Variants in EMCN observed in about 807,000 individuals in gnomAD.
The protein encoded by EMCN is endomucin, also known as MUC-14.
EMCN carries 37 observed loss-of-function variants against 38.4 expected under a neutral mutation model. The ratio of observed to expected loss-of-function variants is 0.96; its 90% CI spans 0.74 to 1.27. The LOEUF is 1.27. EMCN is among the 50% of genes most tolerant of loss of function. The probability of loss-of-function intolerance (pLI) is 0.00; values close to 1 mark genes in which losing one functional copy is unlikely to be tolerated. For synonymous variants in EMCN, 95 were observed against 100.8 expected, an observed-to-expected ratio of 0.94 and a Z score of 0.35; for missense variants, 318 against 302.8, an observed-to-expected ratio of 1.05 and a Z score of -0.37.
At chr4:100,456,715 G>C (rs994560844) in intron 4 of EMCN, among the ~76,000 whole-genome samples, 3 of 151,774 alleles carry the variant, frequency 2.0e-5, no homozygotes, top group African/African-American at 7.3e-5. Flanking sequence ...GTTGAGACTT[G>C]CTTTATGACA....
At chr4:100,402,218 C>G (rs1433068121) in intron 11 of EMCN, among the ~76,000 whole-genome samples, 1 of 151,992 alleles carries the variant, frequency 6.6e-6, no homozygotes, top group African/African-American at 2.4e-5. Flanking sequence ...TCCTGTCTGC[C>G]CTGCCGAATC....
chr4:100,482,273 T>C (rs1728828945), intron 1 of EMCN, among the ~76,000 whole-genome samples: 1 of 152,006 alleles, frequency 6.6e-6, no homozygotes, highest in African/African-American at 2.4e-5. Context: ...AGGGTAAGTA[T>C]TGTTTCATGA....
intron 5 of EMCN, among the ~76,000 whole-genome samples, chr4:100,441,543 GTTAT>G (rs905943759): frequency 1.8e-4 from 27 of 152,034 alleles, no homozygotes; most frequent in Non-Finnish European, 3.5e-4. Context: ...CTGTCATTTT[GTTAT>G]TTGTTTTCTG....
chr4:100,444,318 T>G (rs1727606761), intron 5 of EMCN, among the ~76,000 whole-genome samples: 1 of 152,220 alleles, frequency 6.6e-6, no homozygotes, highest in Admixed American at 6.5e-5. Context: ...GGTACGGTAC[T>G]ACATTAGCTA....
chr4:100,503,350 A>G (rs1729399343), intron 1 of EMCN, among the ~76,000 whole-genome samples: 1 of 148,124 alleles, frequency 6.8e-6, no homozygotes, highest in African/African-American at 2.7e-5. Flanking sequence ...GCATAAGGCA[A>G]AATTATTGGC....
At chr4:100,465,046 T>C (rs1728277014) in intron 4 of EMCN, among the ~76,000 whole-genome samples, 1 of 152,170 alleles carries the variant, frequency 6.6e-6, no homozygotes, top group South Asian at 2.1e-4. Context: ...TTTCAATTTC[T>C]TTAATCATTA....
At chr4:100,404,444 C>G (rs1726340968) in intron 11 of EMCN, among the ~76,000 whole-genome samples, 1 of 151,982 alleles carries the variant, frequency 6.6e-6, no homozygotes, top group Admixed American at 6.6e-5. Context: ...TCATACTGTA[C>G]TAGTTACTGT....
chr4:100,437,671 C>A (rs1727395386), intron 5 of EMCN, among the ~76,000 whole-genome samples: 1 of 152,108 alleles, frequency 6.6e-6, no homozygotes, highest in African/African-American at 2.4e-5. Context: ...ATCATATACC[C>A]ATTGTGTGCT....
intron 11 of EMCN, among the ~76,000 whole-genome samples, chr4:100,400,559 C>T (rs1375042786): frequency 6.6e-6 from 1 of 152,118 alleles, no homozygotes; most frequent in Non-Finnish European, 1.5e-5. Context: ...GCAACCATGA[C>T]AAGCCCTCCT....
chr4:100,454,233 A>G (rs1186293900), intron 4 of EMCN, among the ~76,000 whole-genome samples: 4 of 119,252 alleles, frequency 3.4e-5, no homozygotes, highest in African/African-American at 1.0e-4. Context: ...TTTTCAAGCC[A>G]TTAGCAAAAA....
At chr4:100,458,282 G>T (rs1435239165) in intron 4 of EMCN, among the ~76,000 whole-genome samples, 1 of 151,824 alleles carries the variant, frequency 6.6e-6, no homozygotes, top group East Asian at 1.9e-4. Flanking sequence ...TATTTTTAGG[G>T]CTGTTTTAAC....
At chr4:100,448,826 C>CCTTCTTTCCTTCCTT (rs1179151604) in intron 4 of EMCN, among the ~76,000 whole-genome samples, 6 of 139,246 alleles carry the variant, frequency 4.3e-5, no homozygotes, top group Admixed American at 7.2e-5. Flanking sequence ...CTTCCTTCCT[C>CCTTCTTTCCTTCCTT]CCTCCCTCCC....
chr4:100,470,242 C>A (rs957631958), intron 3 of EMCN, among the ~76,000 whole-genome samples: 4 of 151,940 alleles, frequency 2.6e-5, no homozygotes, highest in African/African-American at 9.6e-5. Flanking sequence ...TGAACAGACA[C>A]TTTTAAAAAG....
intron 1 of EMCN, among the ~76,000 whole-genome samples, chr4:100,501,816 T>C (rs1472979623): frequency 2.0e-5 from 3 of 151,986 alleles, no homozygotes; most frequent in Non-Finnish European, 4.4e-5. Flanking sequence ...TCATAAACTT[T>C]ATATACAGAG....
intron 5 of EMCN, among the ~76,000 whole-genome samples, chr4:100,432,773 A>G (rs964692610): frequency 1.3e-5 from 2 of 152,184 alleles, no homozygotes; most frequent in African/African-American, 2.4e-5. Context: ...TGATTGATCA[A>G]TTGATCATTT....
intron 1 of EMCN, among the ~76,000 whole-genome samples, chr4:100,502,161 C>T (rs1260919045): frequency 2.0e-5 from 3 of 152,126 alleles, no homozygotes. Flanking sequence ...ATTGGTTGGA[C>T]TAGATGTAAC....
At position 100,423,032 on chromosome 4, in the gene EMCN, C is replaced by G; in HGVS notation, c.557G>C (p.Arg186Pro). Residue 186 changes from arginine to proline, a missense_variant, in exon 7 of 12, where the codon CGG becomes CCG. Transcript: ENST00000296420. ...TTGCTGTTACTCACTGGAATAAGAC[C>G]GGCTGGTTGCTGAAGTGCTTGCATT... ...GKNASTSATS[R>P]SYSSIILPVV... is the part of the protein sequence containing the mutation. The G allele has an allele frequency of 1.2e-6, 2 of 1,612,824 alleles. No individual in the cohort carries two copies. Among genetic ancestry groups the G allele is most frequent in the Non-Finnish European group, 1.7e-6 (2 of 1,179,248 alleles).
chr4:100,473,373 G>GTTTTTTTTTTTTTTTT lies in EMCN; in HGVS notation c.259+1664_259+1665insAAAAAAAAAAAAAAAA, dbSNP rs1256284835. Among the ~76,000 whole-genome samples the GTTTTTTTTTTTTTTTT allele has an allele frequency of 2.2e-3, 143 of 65,992 alleles. 5 individuals carry two copies. Among genetic ancestry groups the GTTTTTTTTTTTTTTTT allele is most frequent in the Non-Finnish European group, 3.0e-3 (99 of 33,502 alleles). The allele number at this position is 65,992 out of a possible 152,430, so 43.3% of individuals were successfully genotyped here. The stretch of plus-strand genomic sequence containing the variant: ...GGCATTTCCCGTTTCGTGTTTTTTT[G>GTTTTTTTTTTTTTTTT]TTTTTTTTTTTTGTTTTTTTTTTTG... On this transcript the variant is annotated intron_variant, in intron 3 of 11. Coordinates refer to ENST00000296420, the MANE Select transcript of EMCN (RefSeq NM_016242.4).
At chr4:100,430,889 C>T (rs1439234386) in intron 5 of EMCN, among the ~76,000 whole-genome samples, 3 of 152,122 alleles carry the variant, frequency 2.0e-5, no homozygotes, top group Non-Finnish European at 4.4e-5. Flanking sequence ...TTAAAAAAAT[C>T]TAGATATTAC....
Sources: allele counts gnomAD v4.1 joint callset (sites outside exome capture counted in the v4.1 genomes callset), GRCh38; gene constraint gnomAD v4.1.1; transcripts MANE v1.5; gene names NCBI Gene and HGNC (gene_info 2026-07-23, HGNC 2026-07-21).